The following ADGRE3 variants were observed in gnomAD, a reference collection of about 807,000 sequenced individuals.
The protein encoded by ADGRE3 is adhesion G protein-coupled receptor E3.
Under a neutral mutation model 80.1 loss-of-function variants are expected in ADGRE3, and 88 were observed. That is an observed-to-expected ratio of 1.10 (90% confidence interval 0.93 to 1.31). ADGRE3 has a LOEUF of 1.31. Among genes scored for constraint, ADGRE3 ranks in the 40% most tolerant of loss-of-function variants. The pLI is 0.00. For missense variants in ADGRE3, 715 were observed against 776.5 expected, an observed-to-expected ratio of 0.92 and a Z score of 0.94; for synonymous variants, 281 against 294.8, an observed-to-expected ratio of 0.95 and a Z score of 0.48.
At chr19:14,620,982 C>T (rs1970591461) in intron 15 of ADGRE3, among the ~76,000 whole-genome samples, 1 of 151,978 alleles carries the variant, frequency 6.6e-6, no homozygotes, top group South Asian at 2.1e-4. Flanking sequence ...CAACAGTTGG[C>T]ACTTTTACTC....
At chr19:14,609,437 C>T in the ADGRE3 span, among the ~76,000 whole-genome samples, 1 of 152,172 alleles carries the variant, frequency 6.6e-6, no homozygotes, top group Non-Finnish European at 1.5e-5. Context: ...TCAGGCCCTG[C>T]TTTAAGCAAG....
chr19:14,641,117 C>T (rs8113491), intron 10 of ADGRE3, among the ~76,000 whole-genome samples: 72,896 of 151,898 alleles, frequency 0.48, 17,591 homozygotes, highest in South Asian at 0.65. Context: ...TTCAAAAATT[C>T]ATCATTCTTT....
rs779032385 is a variant in ADGRE3, at chr19:14,663,454, G to T, written c.163C>A (p.Gln55Lys). 1.9e-6 allele frequency: 3 copies of T among 1,612,558 alleles called. No homozygotes were observed. In the South Asian group the frequency reaches 3.3e-5, roughly 18 times the overall value. ...TCCAAGGGGAATGTGAATAGTTTCT[G>T]CCCAGATCCAGAAGTATATCCATGG... is the stretch of plus-strand genomic sequence containing the variant. The part of the protein sequence containing the change: ...CNHGYTSGSG[Q>K]KLFTFPLETC... Residue 55 changes from glutamine (Q) to lysine (K), a missense_variant, in exon 3 of 16, where the codon CAG becomes AAG. Coordinates refer to ENST00000253673, the MANE Select transcript of ADGRE3 (RefSeq NM_032571.5).
rs138021688 is a variant in ADGRE3, at chr19:14,624,839, C to T, written c.1920+653G>A. On this transcript the variant is annotated intron_variant, in intron 15 of 15. Coordinates refer to ENST00000253673, the MANE Select transcript of ADGRE3 (RefSeq NM_032571.5). The stretch of plus-strand genomic sequence containing the variant: ...CTCAGGAGCAGAACACCAAACACCG[C>T]ATGTTCTCACTTGTAAGTGGGAGCT... Among the ~76,000 whole-genome samples, 3 of 151,862 alleles carry T rather than the reference C, an allele frequency of 2.0e-5. No individual in the cohort carries two copies. In the East Asian group the frequency reaches 5.8e-4, roughly 29 times the overall value.
the ADGRE3 span, chr19:14,607,113 G>A: frequency 8.2e-7 from 1 of 1,219,006 alleles, no homozygotes. Flanking sequence ...GCAAGTGCTT[G>A]GGTTTCCTGG....
At chr19:14,670,433 A>G (rs939560415) in intron 1 of ADGRE3, among the ~76,000 whole-genome samples, 1 of 152,228 alleles carries the variant, frequency 6.6e-6, no homozygotes, top group Admixed American at 6.5e-5. Context: ...GCTCATTCAG[A>G]TTCAAGTGGA....
At chr19:14,601,164 A>G in the ADGRE3 span, among the ~76,000 whole-genome samples, 1 of 152,032 alleles carries the variant, frequency 6.6e-6, no homozygotes, top group African/African-American at 2.4e-5. Flanking sequence ...CTGCCTCCCA[A>G]AGTGCGGGGA....
chr19:14,607,213 T>TC, the ADGRE3 span: 1 of 382,886 alleles, frequency 2.6e-6, no homozygotes. Flanking sequence ...CTGTTTCTTT[T>TC]TTTTTTTTTG....
intron 10 of ADGRE3, among the ~76,000 whole-genome samples, chr19:14,640,229 A>G (rs73005045): frequency 6.6e-6 from 1 of 152,240 alleles, no homozygotes; most frequent in Non-Finnish European, 1.5e-5. Context: ...CCTCATACCT[A>G]TTCTCTTCCT....
intron 15 of ADGRE3, among the ~76,000 whole-genome samples, chr19:14,620,431 T>TATATATGTATATTCATGTATATATGA (rs1568470990): frequency 3.5e-5 from 5 of 140,882 alleles, no homozygotes; most frequent in African/African-American, 5.4e-5. Flanking sequence ...TATATATGAA[T>TATATATGTATATTCATGTATATATGA]ATATATGTAT....
intron 1 of ADGRE3, among the ~76,000 whole-genome samples, chr19:14,669,147 T>C (rs1307498786): frequency 2.0e-5 from 3 of 152,148 alleles, no homozygotes; most frequent in East Asian, 3.8e-4. Flanking sequence ...AATAGGCAAG[T>C]CACGGAGCCA....
downstream of ADGRE3, among the ~76,000 whole-genome samples, chr19:14,617,221 T>TC (rs1167433469): frequency 7.9e-6 from 1 of 127,288 alleles, no homozygotes; most frequent in African/African-American, 2.9e-5. Flanking sequence ...TTTCCTTCCT[T>TC]CTTTTCTTTT....
intron 1 of ADGRE3, among the ~76,000 whole-genome samples, chr19:14,673,291 T>A (rs1972306580): frequency 6.6e-6 from 1 of 152,272 alleles, no homozygotes. Context: ...AATGTGCAGA[T>A]GCTATGTGAC....
chr19:14,608,988 C>A, the ADGRE3 span, among the ~76,000 whole-genome samples: 7 of 151,866 alleles, frequency 4.6e-5, no homozygotes, highest in Non-Finnish European at 1.0e-4. Flanking sequence ...TTAGTAGAGA[C>A]GGGGTTTCAA....
At chr19:14,641,821 A>G (rs1268746616) in intron 9 of ADGRE3, among the ~76,000 whole-genome samples, 3 of 152,186 alleles carry the variant, frequency 2.0e-5, no homozygotes, top group African/African-American at 7.2e-5. Context: ...TAGACTGCCA[A>G]TGTAGATTGT....
At chr19:14,650,766 CT>C (rs1424375304) in intron 7 of ADGRE3, among the ~76,000 whole-genome samples, 4 of 151,804 alleles carry the variant, frequency 2.6e-5, no homozygotes, top group Non-Finnish European at 5.9e-5. Context: ...AATACACCCA[CT>C]GTTGTTCCTG....
chr19:14,624,238 G>T (rs906573441), intron 15 of ADGRE3, among the ~76,000 whole-genome samples: 2 of 152,058 alleles, frequency 1.3e-5, no homozygotes, highest in African/African-American at 4.8e-5. Context: ...GGGATTACAG[G>T]CATGTGCCAC....
intron 1 of ADGRE3, among the ~76,000 whole-genome samples, chr19:14,669,515 G>A (rs1555764651): frequency 6.6e-6 from 1 of 151,964 alleles, no homozygotes; most frequent in South Asian, 2.1e-4. Flanking sequence ...TTGAGACAGA[G>A]TCTCTTTCTG....
rs2075102297 is a variant in ADGRE3 at position 14,619,220 on chromosome 19, T to C, written c.*213A>G. 3.7e-6 allele frequency: 2 copies of C among 543,434 alleles called. No individual in the cohort carries two copies. The highest frequency in any genetic ancestry group is 6.5e-6 in the Non-Finnish European group (2 of 309,750). The allele number at this position is 543,434 out of a possible 1,614,324, so 33.7% of individuals were successfully genotyped here. A position where few individuals can be genotyped will look rare whatever the true frequency, so the allele number is the denominator to read the frequency against. ...TGCTTTGGGTTTCCAGGGACAAGCA[T>C]TGACTGAATACACCATAGTGAAGAG... On this transcript the variant is annotated 3_prime_UTR_variant, in exon 16 of 16. Transcript: ENST00000253673.
Sources: allele counts gnomAD v4.1 joint callset (sites outside exome capture counted in the v4.1 genomes callset), GRCh38; gene constraint gnomAD v4.1.1; transcripts MANE v1.5; gene names NCBI Gene and HGNC (gene_info 2026-07-23, HGNC 2026-07-21).